GSC2: variants seen among roughly 807,000 people sequenced by gnomAD.
GSC2 encodes the protein goosecoid homeobox 2.
Under a neutral mutation model 11.3 loss-of-function variants are expected in GSC2, and 12 were observed. The observed-to-expected ratio is 1.06, with a 90% CI of 0.68 to 1.72. GSC2 has a LOEUF of 1.72. GSC2 is among the 40% of genes most tolerant of loss of function. The pLI is 0.00. For missense variants in GSC2, 310 were observed against 235.7 expected (o/e 1.32, Z -2.06); for synonymous variants, 148 against 110.0 (o/e 1.35, Z -2.16).
intron 2 of GSC2, 100 bp from the exon 3 acceptor site, chr22:19,149,195 T>A: frequency 2.8e-6 from 2 of 717,910 alleles, no homozygotes. Flanking sequence ...GCAACAGGGA[T>A]GTGGGCGGAC....
chr22:19,149,872 A>G lies in GSC2; in HGVS notation c.304T>C (p.Leu102=), dbSNP rs782309242. Residue 102 remains leucine (L), a synonymous_variant, in exon 2 of 3, where the codon TTG becomes CTG. Transcript: ENST00000086933. ...CCTCCGGCTGGCGCACCCAGAGACA[A>G]GGGCACCGCCGGTCCCAGCCTCAGC... ...WPLRLGPAVP[L]SLGAPAGGSG... The G allele has an allele frequency of 6.8e-7, 1 of 1,467,434 alleles. No individual in the cohort carries two copies. Among genetic ancestry groups the G allele is most frequent in the Non-Finnish European group, 9.0e-7 (1 of 1,114,510 alleles). 90.9% of individuals were successfully genotyped at this position (1,467,434 alleles called of 1,614,324 possible). A position where few individuals can be genotyped will look rare whatever the true frequency, so the allele number is the denominator to read the frequency against.
In GSC2 at chr22:19,149,015, C is replaced by T; in HGVS notation, c.594G>A (p.Lys198=). Reference sequence around the variant, plus strand: ...ATCAGCAGCTCCCCTTCGGGGACTTCTTGACGCCGGGCAGGAGCCTCGCGG... The same window carrying T: ...ATCAGCAGCTCCCCTTCGGGGACTTTTTGACGCCGGGCAGGAGCCTCGCGG... ...SASARLLPGV[K]KSPKGSC Residue 198 remains lysine (K), a synonymous_variant, in exon 3 of 3, where the codon AAG becomes AAA. Transcript: ENST00000086933. 2 of 1,600,048 alleles carry T rather than the reference C, an allele frequency of 1.2e-6. No homozygotes were observed. The highest frequency in any genetic ancestry group is 1.7e-6 in the Non-Finnish European group (2 of 1,173,330).
At chr22:19,149,566 C>T in intron 2 of GSC2, 97 bp downstream of exon 2, 2 of 1,303,676 alleles carry the variant, frequency 1.5e-6, no homozygotes, top group Non-Finnish European at 2.0e-6. Context: ...GGGCTTGGGC[C>T]GAGGCCGTCT....
rs781827349 is a variant in GSC2, at chr22:19,148,856, G to A, written c.*135C>T. ...GCCACGGCAGCACGAGCTGCAGGAGGCAAGGGCTGTGGAGACGGGTGGAGG... is the reference window on the plus strand; with the variant it reads ...GCCACGGCAGCACGAGCTGCAGGAGACAAGGGCTGTGGAGACGGGTGGAGG... On this transcript the variant is annotated 3_prime_UTR_variant, in exon 3 of 3. Coordinates refer to ENST00000086933, the MANE Select transcript of GSC2 (RefSeq NM_005315.2). The A allele has an allele frequency of 8.6e-6, 5 of 580,754 alleles. No individual in the cohort carries two copies. Among genetic ancestry groups the A allele is most frequent in the Non-Finnish European group, 1.5e-5 (5 of 327,436 alleles). 36.0% of individuals were successfully genotyped at this position (580,754 alleles called of 1,614,324 possible). A position where few individuals can be genotyped will look rare whatever the true frequency, so the allele number is the denominator to read the frequency against.
chr22:19,149,390 C>G (rs2083813105), intron 2 of GSC2, among the ~76,000 whole-genome samples: 1 of 152,248 alleles, frequency 6.6e-6, no homozygotes, highest in Non-Finnish European at 1.5e-5. Context: ...AAATTCTGGA[C>G]GTGAACGCGG....
rs2083818653 is a variant in GSC2 at position 19,149,916 on chromosome 22, C to A, written c.260G>T (p.Gly87Val). The A allele has an allele frequency of 1.5e-6, 2 of 1,335,724 alleles. No individual in the cohort carries two copies. The highest frequency in any genetic ancestry group is 3.8e-5 in the South Asian group (2 of 52,150). 82.7% of individuals were successfully genotyped at this position (1,335,724 alleles called of 1,614,324 possible). The change falls in exon 2 of 3, where the codon GGC becomes GTC. Residue 87 changes from glycine to valine, a missense_variant and splice_region_variant. Transcript: ENST00000086933. Reference sequence around the variant, plus strand: ...CCTCAGCGGCCACGCCAGACGAGCGCCTGCGGAGCGAGGGCGCGGTGAGGC... The same window carrying A: ...CCTCAGCGGCCACGCCAGACGAGCGACTGCGGAGCGAGGGCGCGGTGAGGC... ...CGPPEAAAGL[G>V]ARLAWPLRLG...
intron 1 of GSC2, 36 bp downstream of exon 1, chr22:19,149,989 C>T: frequency 8.9e-7 from 1 of 1,117,340 alleles, no homozygotes; most frequent in Non-Finnish European, 1.1e-6. Flanking sequence ...GCCCCGGGCT[C>T]CGCCGGGCCC....
In GSC2 at chr22:19,149,741, G is replaced by T. The variant is rs868927761; in HGVS notation, c.435C>A (p.Phe145Leu). Residue 145 changes from phenylalanine to leucine, a missense_variant, in exon 2 of 3, where the codon TTC becomes TTA. By Grantham distance (22) the Phe-to-Leu change is conservative. Transcript: ENST00000086933. ...TCACGTCAGGATACTGGTTCTGCACGAAAAGCGCCTCGAGCGCCTGCAGCT... is the reference window on the plus strand; with the variant it reads ...TCACGTCAGGATACTGGTTCTGCACTAAAAGCGCCTCGAGCGCCTGCAGCT... ...EEQLQALEAL[F>L]VQNQYPDVST... 6.3e-7 allele frequency: 1 copy of T among 1,594,514 alleles called. No homozygotes were observed.
rs781784216 is a variant in GSC2, at chr22:19,149,709, C to T, written c.467G>A (p.Arg156His). Residue 156 changes from arginine (R) to histidine (H), a missense_variant, in exon 2 of 3, where the codon CGC (arginine) becomes CAC (histidine). By Grantham distance (29) the Arg-to-His change is conservative. Transcript: ENST00000086933. ...GCGGATGCGGCCGGCCAGGCGCTCG[C>T]GCGTACTCACGTCAGGATACTGGTT... ...VQNQYPDVST[R>H]ERLAGRIRLR... 1.5e-5 allele frequency: 23 copies of T among 1,578,544 alleles called. No homozygotes were observed. The highest frequency in any genetic ancestry group is 2.0e-5 in the Non-Finnish European group (23 of 1,165,498).
chr22:19,149,171 G>A (rs1555917875), intron 2 of GSC2, 76 bp from the exon 3 acceptor site: 5 of 887,506 alleles, frequency 5.6e-6, no homozygotes, highest in Admixed American at 3.1e-5. Flanking sequence ...CACAGGGACC[G>A]AGAGGGGAGC....
rs180690699 is a variant in GSC2, at chr22:19,147,612, G to A, written c.*1379C>T. On this transcript the variant is annotated 3_prime_UTR_variant, in exon 3 of 3. Transcript: ENST00000086933. Reference sequence around the variant, plus strand: ...CACAGGTAGTCTGTTCAGTCCCCAAGGGCAAGACCAGGGTTCAGGGAGAAG... The same window carrying A: ...CACAGGTAGTCTGTTCAGTCCCCAAAGGCAAGACCAGGGTTCAGGGAGAAG... 6.6e-6 allele frequency among the ~76,000 whole-genome samples: 1 copy of A among 152,310 alleles called. No homozygotes were observed. Among genetic ancestry groups the A allele is most frequent in the African/African-American group, 2.4e-5 (1 of 41,574 alleles).
rs770533218 is a variant in GSC2 at position 19,148,744 on chromosome 22, G to T, written c.*247C>A. The T allele has an allele frequency of 2.1e-6, 1 of 477,796 alleles. No individual in the cohort carries two copies. The highest frequency in any genetic ancestry group is 3.7e-6 in the Non-Finnish European group (1 of 270,744). 29.6% of individuals were successfully genotyped at this position (477,796 alleles called of 1,614,324 possible). The stretch of plus-strand genomic sequence containing the variant: ...GTCTCTCGGGGGGTAGGGAGCTGAG[G>T]AAACTGCTCTATGCCCCAGCCCACC... On this transcript the variant is annotated 3_prime_UTR_variant, in exon 3 of 3. Transcript: ENST00000086933.
Position 19,149,837 on chromosome 22 carries a change from C to T in GSC2, c.339G>A (p.Ala113=). 6.5e-7 allele frequency: 1 copy of T among 1,539,752 alleles called. No individual in the cohort carries two copies. The highest frequency in any genetic ancestry group is 2.6e-5 in the East Asian group (1 of 38,888). Residue 113 remains alanine (A), a synonymous_variant, in exon 2 of 3, where the codon GCG becomes GCA. Coordinates refer to ENST00000086933, the MANE Select transcript of GSC2 (RefSeq NM_005315.2). ...SLGAPAGGSG[A]LPGAVGPGSQ... ...AACCCGGGCCGACCGCGCCCGGGAG[C>T]GCCCCGGAACCTCCGGCTGGCGCAC...
rs1351786760 is a variant in GSC2, at chr22:19,148,075, T to TG, written c.*915dup. On this transcript the variant is annotated 3_prime_UTR_variant, in exon 3 of 3. Coordinates refer to ENST00000086933, the MANE Select transcript of GSC2 (RefSeq NM_005315.2). ...CCTACCCTAGGATGGCACAGATTGC[T>TG]GTGAGGGAGTCCGAGCCCACAGCAT... is the stretch of plus-strand genomic sequence containing the variant. Among the ~76,000 whole-genome samples the TG allele has an allele frequency of 6.6e-6, 1 of 152,140 alleles. No individual in the cohort carries two copies. Among genetic ancestry groups the TG allele is most frequent in the Non-Finnish European group, 1.5e-5 (1 of 68,006 alleles).
At chr22:19,149,352 T>C (rs2146120740) in intron 2 of GSC2, among the ~76,000 whole-genome samples, 1 of 152,354 alleles carries the variant, frequency 6.6e-6, no homozygotes, top group African/African-American at 2.4e-5. Flanking sequence ...ACGCCCCTTC[T>C]TGGGTTGCGG....
In GSC2 at chr22:19,149,696, G is replaced by C. The variant is rs1246129394; in HGVS notation, c.480C>G (p.Ala160=). 2.6e-6 allele frequency: 4 copies of C among 1,568,432 alleles called. No individual in the cohort carries two copies. Among genetic ancestry groups the C allele is most frequent in the East Asian group, 4.9e-5 (2 of 40,580 alleles). ...GCTCCTCGCGAAGGCGGATGCGGCC[G>C]GCCAGGCGCTCGCGCGTACTCACGT... ...YPDVSTRERL[A]GRIRLREERV... Residue 160 remains alanine, a synonymous_variant, in exon 2 of 3, where the codon GCC becomes GCG. Coordinates refer to ENST00000086933, the MANE Select transcript of GSC2 (RefSeq NM_005315.2).
At position 19,147,400 on chromosome 22, in the gene GSC2, G is replaced by C. The variant is rs925631150; in HGVS notation, c.*1591C>G. 1.6e-4 allele frequency among the ~76,000 whole-genome samples: 25 copies of C among 152,288 alleles called. No individual in the cohort carries two copies. The highest frequency in any genetic ancestry group is 1.3e-4 in the Admixed American group (2 of 15,290). On this transcript the variant is annotated 3_prime_UTR_variant, in exon 3 of 3. Transcript: ENST00000086933. The stretch of plus-strand genomic sequence containing the variant: ...GTCAGCCTGCCAAGGAGCAGCTAGA[G>C]CTCAAGAAGCAAATTCAGGAGAGCA...
At position 19,148,318 on chromosome 22, in the gene GSC2, A is replaced by G. The variant is rs2083804001; in HGVS notation, c.*673T>C. On this transcript the variant is annotated 3_prime_UTR_variant, in exon 3 of 3. Coordinates refer to ENST00000086933, the MANE Select transcript of GSC2 (RefSeq NM_005315.2). ...CCTCGCTGGGAAGGAAGAAGAAGGG[A>G]CAGCTCCTTGTTGGGTGTGGGAGTG... Among the ~76,000 whole-genome samples the G allele has an allele frequency of 6.6e-6, 1 of 152,198 alleles. No homozygotes were observed. The highest frequency in any genetic ancestry group is 6.5e-5 in the Admixed American group (1 of 15,288).
Position 19,148,979 on chromosome 22 carries a change from C to A in GSC2, c.*12G>T. The A allele has an allele frequency of 6.5e-7, 1 of 1,534,656 alleles. No individual in the cohort carries two copies. Among genetic ancestry groups the A allele is most frequent in the Non-Finnish European group, 8.9e-7 (1 of 1,119,920 alleles). On this transcript the variant is annotated 3_prime_UTR_variant, in exon 3 of 3. Coordinates refer to ENST00000086933, the MANE Select transcript of GSC2 (RefSeq NM_005315.2). ...AAAGGGTGGCCGAGCCCAGGGGCAGCTCCTAGAGTCATCAGCAGCTCCCCT... is the reference window on the plus strand; with the variant it reads ...AAAGGGTGGCCGAGCCCAGGGGCAGATCCTAGAGTCATCAGCAGCTCCCCT...
Sources: allele counts gnomAD v4.1 joint callset (sites outside exome capture counted in the v4.1 genomes callset), GRCh38; gene constraint gnomAD v4.1.1; transcripts MANE v1.5; gene names NCBI Gene and HGNC (gene_info 2026-07-23, HGNC 2026-07-21).